Variants in ALKBH3 observed in about 807,000 individuals in gnomAD.
ALKBH3 encodes the protein alkB homolog 3, alpha-ketoglutarate dependent dioxygenase, also known as alpha-ketoglutarate-dependent dioxygenase alkB homolog 3.
In ALKBH3, 51 loss-of-function variants were observed where a neutral mutation model predicts 43.9. The observed-to-expected ratio is 1.16, with a 90% CI of 0.93 to 1.47. The LOEUF (loss-of-function observed/expected upper bound fraction) is 1.47, where lower values mean the gene tolerates loss of function less well. ALKBH3 is among the 40% of genes most tolerant of loss of function. ALKBH3 has a pLI of 0.00. For synonymous variants in ALKBH3, 102 were observed against 115.2 expected (o/e 0.89, Z 0.73); for missense variants, 361 against 351.9 (o/e 1.03, Z -0.21).
chr11:43,919,807 G>A, intron 9 of ALKBH3, 111 bp from the exon 10 acceptor site: 1 of 1,022,416 alleles, frequency 9.8e-7, no homozygotes, highest in Non-Finnish European at 1.5e-6. Flanking sequence ...ACTCATTTAA[G>A]GGGGATGAGA....
chr11:43,918,851 G>A (rs973004026), intron 8 of ALKBH3, 187 bp from the exon 9 acceptor site: 9 of 544,810 alleles, frequency 1.7e-5, no homozygotes, highest in Middle Eastern at 4.8e-4. Context: ...TTACAAATGA[G>A]TAAGTCAGGG....
At chr11:43,919,230 C>CT in intron 9 of ALKBH3, 94 bp downstream of exon 9, 5 of 1,097,444 alleles carry the variant, frequency 4.6e-6, no homozygotes, top group Non-Finnish European at 6.9e-6. Context: ...GAAAAGCAAG[C>CT]TGCTTTTACA....
chr11:43,920,227 C>G lies in ALKBH3; in HGVS notation c.*217C>G, dbSNP rs2292889. ...GTTATCCCTAACCACAGCTCAAAAT[C>G]GCTATCATCTTTAGGCAAATTAAAA... On this transcript the variant is annotated 3_prime_UTR_variant, in exon 10 of 10. Transcript: ENST00000302708. 112,414 of 506,892 alleles carry G rather than the reference C, an allele frequency of 0.22. 13,520 individuals are homozygous for G. The highest frequency in any genetic ancestry group is 0.26 in the Non-Finnish European group (74,205 of 282,952). 31.4% of individuals were successfully genotyped at this position (506,892 alleles called of 1,614,324 possible). A position where few individuals can be genotyped will look rare whatever the true frequency, so the allele number is the denominator to read the frequency against.
At position 43,883,967 on chromosome 11, in the gene ALKBH3, G is replaced by C. The variant is rs2271816; in HGVS notation, c.184-16G>C. 6.2e-7 allele frequency: 1 copy of C among 1,613,304 alleles called. No individual in the cohort carries two copies. Among genetic ancestry groups the C allele is most frequent in the South Asian group, 1.1e-5 (1 of 90,996 alleles). ...TAAGAACATCCCAGAAGTAAGATCC[G>C]CCTATTTCCTTGCAGGTAGTACGTA... On this transcript the variant is annotated splice_polypyrimidine_tract_variant and intron_variant, in intron 3 of 9. Coordinates refer to ENST00000302708, the MANE Select transcript of ALKBH3 (RefSeq NM_139178.4).
At chr11:43,901,152 TA>T (rs1951861139) in intron 7 of ALKBH3, among the ~76,000 whole-genome samples, 1 of 152,188 alleles carries the variant, frequency 6.6e-6, no homozygotes, top group African/African-American at 2.4e-5. Context: ...CTGCTCCACT[TA>T]CCACCTTAAT....
chr11:43,906,682 A>AT (rs894188079), intron 8 of ALKBH3, among the ~76,000 whole-genome samples: 1 of 152,154 alleles, frequency 6.6e-6, no homozygotes, highest in African/African-American at 2.4e-5. Context: ...CCCCATCTCT[A>AT]TTTTTTTAAA....
intron 8 of ALKBH3, among the ~76,000 whole-genome samples, chr11:43,917,656 A>T (rs1406791191): frequency 7.3e-5 from 11 of 150,930 alleles, no homozygotes; most frequent in Non-Finnish European, 1.5e-4. Flanking sequence ...TTTTTTTTTT[A>T]AATCAGAGCA....
rs768072726 is a variant in ALKBH3, at chr11:43,901,676, TAA to T, written c.621_622del (p.Ser208PhefsTer8). ...GGGAGGTGCCCCATTATTGCTTCAC[TAA>T]GTTTTGGTGCCACACGCACATTTGA... On this transcript the variant is annotated frameshift_variant, in exon 8 of 10. Transcript: ENST00000302708. LOFTEE classifies it high-confidence loss of function. 1.9e-6 allele frequency: 3 copies of T among 1,614,260 alleles called. No homozygotes were observed. The highest frequency in any genetic ancestry group is 2.5e-6 in the Non-Finnish European group (3 of 1,180,052).
At chr11:43,894,328 T>G (rs1245689246) in intron 7 of ALKBH3, among the ~76,000 whole-genome samples, 2 of 152,130 alleles carry the variant, frequency 1.3e-5, no homozygotes, top group African/African-American at 4.8e-5. Flanking sequence ...AATAGGTCCT[T>G]TCACTTCTGT....
intron 7 of ALKBH3, among the ~76,000 whole-genome samples, chr11:43,893,459 A>G (rs1951797738): frequency 6.6e-6 from 1 of 152,234 alleles, no homozygotes; most frequent in African/African-American, 2.4e-5. Context: ...ACATTTTGAC[A>G]ACTCTTCAAA....
intron 4 of ALKBH3, among the ~76,000 whole-genome samples, chr11:43,884,380 T>C (rs1046675085): frequency 9.6e-6 from 1 of 104,454 alleles, no homozygotes; most frequent in African/African-American, 2.9e-5. Context: ...TGCCTCTTTT[T>C]TTTTTTTTTT....
In ALKBH3 at chr11:43,892,117, A is replaced by T. The variant is rs1298965758; in HGVS notation, c.447A>T (p.Glu149Asp). Residue 149 changes from glutamate to aspartate, a missense_variant, in exon 7 of 10, where the codon GAA (glutamate) becomes GAT (aspartate). Transcript: ENST00000302708. ...LPYTYSRITM[E>D]PNPHWHPVLR... Reference sequence around the variant, plus strand: ...ACACTTATTCAAGAATCACTATGGAACCAAATCCTCACGTATGTCAACATA... The same window carrying T: ...ACACTTATTCAAGAATCACTATGGATCCAAATCCTCACGTATGTCAACATA... 6.2e-7 allele frequency: 1 copy of T among 1,610,390 alleles called. No homozygotes were observed. The highest frequency in any genetic ancestry group is 2.2e-5 in the East Asian group (1 of 44,860).
intron 8 of ALKBH3, among the ~76,000 whole-genome samples, chr11:43,912,787 G>C (rs1687223060): frequency 6.6e-6 from 1 of 151,892 alleles, no homozygotes; most frequent in Admixed American, 6.6e-5. Flanking sequence ...TACAGTTTCA[G>C]ATACAAAAAA....
intron 8 of ALKBH3, among the ~76,000 whole-genome samples, chr11:43,908,348 T>C (rs1328195943): frequency 6.6e-6 from 1 of 152,156 alleles, no homozygotes; most frequent in South Asian, 2.1e-4. Flanking sequence ...TTGTGTCTGA[T>C]CAGATTATGT....
intron 2 of ALKBH3, 38 bp downstream of exon 2, chr11:43,882,769 G>A: frequency 1.3e-6 from 2 of 1,561,316 alleles, no homozygotes; most frequent in Non-Finnish European, 1.7e-6. Flanking sequence ...GTGTGGATAT[G>A]GACAACTCTC....
chr11:43,887,034 T>C (rs1226402280), intron 5 of ALKBH3, among the ~76,000 whole-genome samples: 1 of 152,038 alleles, frequency 6.6e-6, no homozygotes, highest in Non-Finnish European at 1.5e-5. Context: ...GATGAAATAA[T>C]CTGTATAACA....
intron 5 of ALKBH3, 30 bp downstream of exon 5, chr11:43,886,683 A>G (rs748797098): frequency 2.5e-6 from 4 of 1,603,456 alleles, no homozygotes; most frequent in South Asian, 1.1e-5. Context: ...AAGTGACCGT[A>G]ATTATCACTG....
intron 4 of ALKBH3, among the ~76,000 whole-genome samples, chr11:43,884,437 T>C (rs35978359): frequency 6.6e-6 from 1 of 151,194 alleles, no homozygotes; most frequent in African/African-American, 2.4e-5. Flanking sequence ...TAGATGAGCT[T>C]ACAGTCCATT....
intron 7 of ALKBH3, among the ~76,000 whole-genome samples, chr11:43,892,605 G>T (rs1951792074): frequency 6.6e-6 from 1 of 152,180 alleles, no homozygotes; most frequent in Non-Finnish European, 1.5e-5. Context: ...GCTTTGGCTT[G>T]TTTCTGCTGC....
Sources: allele counts gnomAD v4.1 joint callset (sites outside exome capture counted in the v4.1 genomes callset), GRCh38; gene constraint gnomAD v4.1.1; transcripts MANE v1.5; gene names NCBI Gene and HGNC (gene_info 2026-07-23, HGNC 2026-07-21).